CNBD1: variants seen among roughly 807,000 people sequenced by gnomAD.
CNBD1 encodes the protein cyclic nucleotide binding domain containing 1.
Under a neutral mutation model 54.4 loss-of-function variants are expected in CNBD1, and 71 were observed. That is an observed-to-expected ratio of 1.30 (90% CI 1.08 to 1.59). The LOEUF is 1.59. Among genes scored for constraint, CNBD1 ranks in the 40% most tolerant of loss-of-function variants. CNBD1 has a pLI of 0.00. For missense variants in CNBD1, 659 were observed against 518.0 expected, an observed-to-expected ratio of 1.27 and a Z score of -2.64; for synonymous variants, 182 against 170.7, an observed-to-expected ratio of 1.07 and a Z score of -0.51.
chr8:86,939,243 C>T (rs574410368), intron 3 of CNBD1, among the ~76,000 whole-genome samples: 1 of 151,782 alleles, frequency 6.6e-6, no homozygotes, highest in South Asian at 2.1e-4. Context: ...CACTGAAAAA[C>T]AAATGTGTGA....
At chr8:86,980,430 C>T (rs778319974) in intron 4 of CNBD1, among the ~76,000 whole-genome samples, 7 of 152,212 alleles carry the variant, frequency 4.6e-5, no homozygotes, top group Admixed American at 3.3e-4. Flanking sequence ...GCTCACTGCT[C>T]TGTATTTACA....
At chr8:86,938,349 C>G (rs778267773) in intron 3 of CNBD1, among the ~76,000 whole-genome samples, 7 of 152,200 alleles carry the variant, frequency 4.6e-5, no homozygotes, top group Non-Finnish European at 1.0e-4. Context: ...GTTGCAAACT[C>G]TGCCTGTTAC....
intron 8 of CNBD1, among the ~76,000 whole-genome samples, chr8:87,306,355 T>A (rs1323538904): frequency 6.6e-6 from 1 of 152,178 alleles, no homozygotes; most frequent in Non-Finnish European, 1.5e-5. Context: ...CTTTAAGAAC[T>A]AAATGTAGAA....
chr8:87,134,355 C>T (rs1429024723), intron 4 of CNBD1, among the ~76,000 whole-genome samples: 1 of 151,930 alleles, frequency 6.6e-6, no homozygotes, highest in African/African-American at 2.4e-5. Context: ...CTTCCAGTTT[C>T]GTAAAATGTC....
chr8:87,365,473 A>C (rs1214372044), intron 10 of CNBD1, among the ~76,000 whole-genome samples: 1 of 152,022 alleles, frequency 6.6e-6, no homozygotes, highest in Non-Finnish European at 1.5e-5. Flanking sequence ...AAAAAGCCAC[A>C]GTAAAATGTT....
At chr8:87,390,750 C>T (rs545092523) in intron 2 of CNBD1, among the ~76,000 whole-genome samples, 66 of 152,204 alleles carry the variant, frequency 4.3e-4, no homozygotes, top group Middle Eastern at 3.4e-3. Context: ...GGTATATACC[C>T]GAAGGCTTAT....
chr8:87,417,314 G>A (rs769763721), intron 2 of CNBD1, among the ~76,000 whole-genome samples: 10 of 151,892 alleles, frequency 6.6e-5, no homozygotes, highest in African/African-American at 2.4e-5. Flanking sequence ...GGAAAAGCTA[G>A]CCTCTACTGG....
intron 2 of CNBD1, among the ~76,000 whole-genome samples, chr8:87,413,527 C>G (rs1807782504): frequency 6.6e-6 from 1 of 151,930 alleles, no homozygotes; most frequent in Non-Finnish European, 1.5e-5. Context: ...TTATATTTAC[C>G]AAGTGTTCCA....
At chr8:87,081,203 A>T (rs185662973) in intron 4 of CNBD1, among the ~76,000 whole-genome samples, 38 of 152,090 alleles carry the variant, frequency 2.5e-4, no homozygotes, top group Non-Finnish European at 4.7e-4. Flanking sequence ...ATGTTGTGTT[A>T]TCATTTTCAT....
Position 87,135,486 on chromosome 8 carries a change from A to G in CNBD1, c.432-70507A>G, listed in dbSNP as rs117223843. On this transcript the variant is annotated intron_variant, in intron 4 of 10. Transcript: ENST00000518476. ...AGTATTAAACATGTGTTGCTAGTGTATATTTTGATGATGCTCATCTTTGCC... is the reference window on the plus strand; with the variant it reads ...AGTATTAAACATGTGTTGCTAGTGTGTATTTTGATGATGCTCATCTTTGCC... Among the ~76,000 whole-genome samples the G allele has an allele frequency of 4.8e-3, 728 of 151,116 alleles. 4 individuals carry two copies. The highest frequency in any genetic ancestry group is 6.8e-3 in the Non-Finnish European group (462 of 67,720).
At chr8:87,026,641 A>C (rs1275301343) in intron 4 of CNBD1, among the ~76,000 whole-genome samples, 1 of 152,194 alleles carries the variant, frequency 6.6e-6, no homozygotes, top group Non-Finnish European at 1.5e-5. Context: ...TTTCTCTAAA[A>C]AAATTTTCTT....
chr8:86,939,860 A>G (rs1037927084), intron 4 of CNBD1, 106 bp downstream of exon 4: 2 of 686,224 alleles, frequency 2.9e-6, no homozygotes, highest in Non-Finnish European at 4.8e-6. Context: ...GTTATGATAC[A>G]GCACTCATGG....
chr8:87,189,764 G>A (rs969973556), intron 4 of CNBD1, among the ~76,000 whole-genome samples: 3 of 152,146 alleles, frequency 2.0e-5, no homozygotes, highest in Non-Finnish European at 4.4e-5. Context: ...ATCAGCATTT[G>A]TCATATGAAT....
At chr8:87,210,200 A>G (rs1814066164) in intron 5 of CNBD1, among the ~76,000 whole-genome samples, 1 of 152,214 alleles carries the variant, frequency 6.6e-6, no homozygotes, top group African/African-American at 2.4e-5. Context: ...TATTTCTAAC[A>G]TCCTATGTTC....
intron 8 of CNBD1, among the ~76,000 whole-genome samples, chr8:87,334,906 G>A (rs902952930): frequency 1.3e-5 from 2 of 151,692 alleles, no homozygotes; most frequent in Non-Finnish European, 1.5e-5. Context: ...TGTACTTTTA[G>A]TAGAGACGGG....
chr8:87,221,123 G>A (rs1814326710), intron 5 of CNBD1, among the ~76,000 whole-genome samples: 2 of 151,854 alleles, frequency 1.3e-5, no homozygotes, highest in South Asian at 4.1e-4. Flanking sequence ...ATGTATTTGA[G>A]GTATGGTTTT....
At chr8:87,125,188 A>C (rs574699358) in intron 4 of CNBD1, among the ~76,000 whole-genome samples, 1 of 151,948 alleles carries the variant, frequency 6.6e-6, no homozygotes. Flanking sequence ...TATAAAAATT[A>C]ATATTGTGAA....
At chr8:87,047,246 G>A (rs2130618676) in intron 4 of CNBD1, among the ~76,000 whole-genome samples, 1 of 152,216 alleles carries the variant, frequency 6.6e-6, no homozygotes, top group East Asian at 1.9e-4. Flanking sequence ...CTTATCCCCA[G>A]GGGATGTGTG....
chr8:87,415,903 A>T (rs1348178342), intron 2 of CNBD1, among the ~76,000 whole-genome samples: 1 of 152,006 alleles, frequency 6.6e-6, no homozygotes, highest in Non-Finnish European at 1.5e-5. Flanking sequence ...AACAAATTTC[A>T]ACTATATACT....
Sources: gnomAD v4.1 joint callset for allele counts (sites outside exome capture counted in the v4.1 genomes callset) on GRCh38, gnomAD v4.1.1 for gene constraint, MANE v1.5 for transcripts, NCBI Gene and HGNC (gene_info 2026-07-23, HGNC 2026-07-21) for gene names.